CHODL: variants seen among roughly 807,000 people sequenced by gnomAD.
CHODL encodes chondrolectin.
A neutral mutation model predicts 34.5 loss-of-function variants in CHODL; 29 were observed. That is an observed-to-expected ratio of 0.84 (90% CI 0.63 to 1.15). CHODL has a LOEUF of 1.15. CHODL is among the 50% of genes most tolerant of loss of function. The pLI is 0.00. For synonymous variants in CHODL, 125 were observed against 116.1 expected (o/e 1.08, Z -0.49); for missense variants, 332 against 332.5 (o/e 1.00, Z 0.01).
chr21:18,008,312 T>G (rs1345267186), intron 1 of CHODL, among the ~76,000 whole-genome samples: 3 of 148,726 alleles, frequency 2.0e-5, no homozygotes, highest in East Asian at 3.9e-4. Context: ...ATTTCTTTGT[T>G]TGTGTGTGTG....
intron 3 of CHODL, among the ~76,000 whole-genome samples, chr21:18,258,123 G>A (rs2074338522): frequency 6.6e-6 from 1 of 152,062 alleles, no homozygotes; most frequent in South Asian, 2.1e-4. Flanking sequence ...AAACACAAGG[G>A]ATTATTTGGA....
At chr21:18,065,016 C>T (rs1354506623) in intron 2 of CHODL, among the ~76,000 whole-genome samples, 1 of 152,150 alleles carries the variant, frequency 6.6e-6, no homozygotes, top group Non-Finnish European at 1.5e-5. Flanking sequence ...AATCAGACTC[C>T]AATCATGCTT....
At chr21:18,031,542 G>T (rs981434873) in intron 2 of CHODL, among the ~76,000 whole-genome samples, 2 of 151,818 alleles carry the variant, frequency 1.3e-5, no homozygotes, top group African/African-American at 4.8e-5. Flanking sequence ...AGATTTTTTT[G>T]GGGGGGAGAA....
At chr21:18,085,274 A>G (rs1364762744) in intron 2 of CHODL, among the ~76,000 whole-genome samples, 1 of 151,972 alleles carries the variant, frequency 6.6e-6, no homozygotes, top group Non-Finnish European at 1.5e-5. Flanking sequence ...AATTTAATCC[A>G]TTTACATTCA....
At chr21:18,259,931 GCACAGACC>G (rs2074360673) in intron 3 of CHODL, among the ~76,000 whole-genome samples, 1 of 152,146 alleles carries the variant, frequency 6.6e-6, no homozygotes, top group African/African-American at 2.4e-5. Flanking sequence ...GCTATCATCA[GCACAGACC>G]CACTGTTGAT....
At chr21:18,097,509 C>T (rs1474866630) in intron 2 of CHODL, among the ~76,000 whole-genome samples, 2 of 151,758 alleles carry the variant, frequency 1.3e-5, no homozygotes, top group Non-Finnish European at 2.9e-5. Flanking sequence ...TAGGAATTAG[C>T]CATGAAAGTG....
chr21:18,123,921 G>A (rs887358641), intron 2 of CHODL, among the ~76,000 whole-genome samples: 4 of 152,012 alleles, frequency 2.6e-5, no homozygotes, highest in Non-Finnish European at 5.9e-5. Context: ...GGTGGCTCAC[G>A]CCTGTAATCC....
chr21:18,256,262 T>G (rs982971910), intron 1 of CHODL, among the ~76,000 whole-genome samples: 5 of 152,210 alleles, frequency 3.3e-5, no homozygotes, highest in Admixed American at 6.5e-5. Flanking sequence ...GAGTTATAAC[T>G]TCCCTTACAA....
intron 2 of CHODL, among the ~76,000 whole-genome samples, chr21:18,194,957 T>C (rs1193155671): frequency 6.6e-6 from 1 of 152,096 alleles, no homozygotes; most frequent in Admixed American, 6.6e-5. Flanking sequence ...TCATTTTCTG[T>C]GGGGAGAAAA....
intron 1 of CHODL, among the ~76,000 whole-genome samples, chr21:18,006,078 T>G (rs759282456): frequency 1.3e-5 from 2 of 152,160 alleles, no homozygotes; most frequent in Non-Finnish European, 2.9e-5. Context: ...TGGCCGTCAT[T>G]CTCTCTGCCT....
intron 1 of CHODL, among the ~76,000 whole-genome samples, chr21:17,935,460 G>A (rs1288984885): frequency 1.3e-5 from 2 of 152,096 alleles, no homozygotes; most frequent in African/African-American, 4.8e-5. Flanking sequence ...CAGCTCACAA[G>A]CACACTCTGA....
At chr21:18,229,316 C>T (rs750890290) in intron 2 of CHODL, among the ~76,000 whole-genome samples, 1 of 152,090 alleles carries the variant, frequency 6.6e-6, no homozygotes, top group Non-Finnish European at 1.5e-5. Context: ...CAATGGCTTA[C>T]ATCACAAAGT....
rs185050029 is a variant in CHODL, at chr21:18,051,026, T to C, written c.-45+23055T>C. Reference sequence around the variant, plus strand: ...CACGTGCCATGGTGGTTTGCTGCACTCATCAACCCGTCATTTACATTAGAT... The same window carrying C: ...CACGTGCCATGGTGGTTTGCTGCACCCATCAACCCGTCATTTACATTAGAT... On this transcript the variant is annotated intron_variant, in intron 2 of 6. Coordinates refer to the CHODL transcript ENST00000400127. 1.4e-3 allele frequency among the ~76,000 whole-genome samples: 208 copies of C among 151,818 alleles called. 4 individuals carry two copies. In the East Asian group the frequency reaches 0.028, roughly 20 times the overall value.
chr21:18,159,210 A>G (rs1317017307), intron 2 of CHODL, among the ~76,000 whole-genome samples: 1 of 152,248 alleles, frequency 6.6e-6, no homozygotes, highest in Non-Finnish European at 1.5e-5. Flanking sequence ...CCGCCAACAA[A>G]GAATTATCCA....
intron 2 of CHODL, among the ~76,000 whole-genome samples, chr21:18,094,450 A>G (rs927939092): frequency 6.6e-6 from 1 of 152,206 alleles, no homozygotes; most frequent in Non-Finnish European, 1.5e-5. Flanking sequence ...TCAAGGATAA[A>G]CCATATGTTA....
intron 2 of CHODL, among the ~76,000 whole-genome samples, chr21:18,238,475 G>A (rs2074050575): frequency 6.6e-6 from 1 of 152,104 alleles, no homozygotes; most frequent in African/African-American, 2.4e-5. Flanking sequence ...TGGGGAAAGT[G>A]CTCCCATGAT....
chr21:18,233,292 T>C (rs182416672), intron 2 of CHODL, among the ~76,000 whole-genome samples: 35 of 152,120 alleles, frequency 2.3e-4, no homozygotes, highest in East Asian at 1.9e-3. Context: ...TGGTTTGACA[T>C]TGTGTTTAAG....
At chr21:18,059,754 A>G (rs2064634353) in intron 2 of CHODL, among the ~76,000 whole-genome samples, 1 of 152,162 alleles carries the variant, frequency 6.6e-6, no homozygotes, top group East Asian at 1.9e-4. Context: ...GGAACAGAAA[A>G]CCAAACACGG....
intron 2 of CHODL, among the ~76,000 whole-genome samples, chr21:18,164,224 C>A (rs1016771235): frequency 2.6e-5 from 4 of 152,188 alleles, no homozygotes; most frequent in African/African-American, 9.7e-5. Context: ...AATTGAAAGT[C>A]TCTGAGCTGC....
Sources: gnomAD v4.1 joint callset for allele counts (sites outside exome capture counted in the v4.1 genomes callset) on GRCh38, gnomAD v4.1.1 for gene constraint, MANE v1.5 for transcripts, NCBI Gene and HGNC (gene_info 2026-07-23, HGNC 2026-07-21) for gene names.